The following ORMDL1 variants were observed in gnomAD, a reference collection of about 807,000 sequenced individuals.
ORMDL1 encodes the protein ORMDL sphingolipid biosynthesis regulator 1.
ORMDL1 carries 10 observed loss-of-function variants against 13.0 expected under a neutral mutation model. The ratio of observed to expected loss-of-function variants is 0.77; its 90% CI spans 0.47 to 1.30. The LOEUF (loss-of-function observed/expected upper bound fraction) is 1.30, where lower values mean the gene tolerates loss of function less well. Among genes scored for constraint, ORMDL1 ranks in the 50% most tolerant of loss-of-function variants. The pLI, the probability that ORMDL1 is intolerant of heterozygous loss-of-function variation, is 0.00. For missense variants in ORMDL1, 171 were observed against 186.7 expected, an observed-to-expected ratio of 0.92 and a Z score of 0.49; for synonymous variants, 61 against 63.9, an observed-to-expected ratio of 0.95 and a Z score of 0.22.
chr2:189,764,403 G>A, the ORMDL1 span: 5 of 152,120 alleles, frequency 3.3e-5, no homozygotes, highest in Non-Finnish European at 5.9e-5. Context: ...TAGATTCCTC[G>A]TCTAGGCACT....
chr2:189,783,015 G>A lies in ORMDL1; in HGVS notation c.-9C>T, dbSNP rs145361322. 1.6e-3 allele frequency: 269 copies of A among 163,608 alleles called. No homozygotes were observed. Among genetic ancestry groups the A allele is most frequent in the African/African-American group, 6.1e-3 (253 of 41,696 alleles). The allele number at this position is 163,608 out of a possible 1,614,324, so 10.1% of individuals were successfully genotyped here. A position where few individuals can be genotyped will look rare whatever the true frequency, so the allele number is the denominator to read the frequency against. ...TTAAAAAGAAAAAGCAGAACTCACC[G>A]AGCCAGTGTGTCAAGTAGTCAGACT... On this transcript the variant is annotated splice_region_variant and 5_prime_UTR_variant, in exon 2 of 5. Transcript: ENST00000392349.
Position 189,782,144 on chromosome 2 carries a change from T to C in ORMDL1, c.174+278A>G, listed in dbSNP as rs1016418094. Among the ~76,000 whole-genome samples the C allele has an allele frequency of 7.2e-5, 11 of 152,316 alleles. No homozygotes were observed. In the South Asian group the frequency reaches 1.7e-3, roughly 23 times the overall value. Reference sequence around the variant, plus strand: ...TTTTAGTAGAGATGAGGTTTCACCATGTTGGCCAGGCTGGTCTTGAACTCC... The same window carrying C: ...TTTTAGTAGAGATGAGGTTTCACCACGTTGGCCAGGCTGGTCTTGAACTCC... On this transcript the variant is annotated intron_variant, in intron 3 of 4. Coordinates refer to ENST00000392349, the MANE Select transcript of ORMDL1 (RefSeq NM_016467.5).
In ORMDL1 at chr2:189,782,576, T is replaced by C; in HGVS notation, c.20A>G (p.His7Arg). 6 of 1,614,150 alleles carry C rather than the reference T, an allele frequency of 3.7e-6. No homozygotes were observed. The highest frequency in any genetic ancestry group is 5.1e-6 in the Non-Finnish European group (6 of 1,179,994). Residue 7 changes from histidine (H) to arginine (R), a missense_variant, in exon 3 of 5, where the codon CAC becomes CGC. Physicochemically the swap from His to Arg is conservative, Grantham distance 29 (BLOSUM62 0). Transcript: ENST00000392349. ...ACGGGTATTTGGATTCACTTCACTG[T>C]GGGCAACTCCAACGTTCATGTTTGC... Reference protein sequence around the residue: MNVGVAHSEVNPNTRVM... With the variant: MNVGVARSEVNPNTRVM...
In ORMDL1 at chr2:189,782,575, G is replaced by T; in HGVS notation, c.21C>A (p.His7Gln). 1.2e-6 allele frequency: 2 copies of T among 1,614,114 alleles called. No individual in the cohort carries two copies. Among genetic ancestry groups the T allele is most frequent in the South Asian group, 1.1e-5 (1 of 91,080 alleles). ...CACGGGTATTTGGATTCACTTCACT[G>T]TGGGCAACTCCAACGTTCATGTTTG... MNVGVA[H>Q]SEVNPNTRVM... The change falls in exon 3 of 5, where the codon CAC becomes CAA. Residue 7 changes from histidine to glutamine, a missense_variant. By Grantham distance (24) the His-to-Gln change is conservative. Transcript: ENST00000392349.
intron 3 of ORMDL1, among the ~76,000 whole-genome samples, chr2:189,777,224 T>C (rs1236597851): frequency 6.6e-6 from 1 of 152,196 alleles, no homozygotes; most frequent in Non-Finnish European, 1.5e-5. Flanking sequence ...GAATAAGCAC[T>C]GGGACACCGC....
chr2:189,772,759 C>T (rs909760900), intron 4 of ORMDL1, among the ~76,000 whole-genome samples: 4 of 152,148 alleles, frequency 2.6e-5, no homozygotes, highest in African/African-American at 9.7e-5. Flanking sequence ...GGAAAGTATT[C>T]TAATAGCCTT....
chr2:189,776,056 T>C (rs114882654), intron 3 of ORMDL1, among the ~76,000 whole-genome samples: 1,763 of 152,260 alleles, frequency 0.012, 44 homozygotes, highest in African/African-American at 0.041. Flanking sequence ...GATTACTTTT[T>C]CCCCAATGTA....
chr2:189,778,067 A>G (rs528211985), intron 3 of ORMDL1: 18 of 405,970 alleles, frequency 4.4e-5, no homozygotes, highest in African/African-American at 3.3e-4. Flanking sequence ...TCATTTGTCC[A>G]TGGTCAACCA....
intron 3 of ORMDL1, among the ~76,000 whole-genome samples, chr2:189,777,733 C>A (rs1347031113): frequency 6.6e-6 from 1 of 152,084 alleles, no homozygotes; most frequent in Non-Finnish European, 1.5e-5. Context: ...TAAAGCTGGG[C>A]CAAGAATCCT....
At chr2:189,774,046 T>C (rs6725344) in intron 4 of ORMDL1, 149,513 of 152,342 alleles carry the variant, frequency 0.98, 73,428 homozygotes, top group South Asian at 1. Context: ...AAAACTGAGC[T>C]TTTGAAGAAA....
At chr2:189,769,950 C>A (rs571849732), downstream of ORMDL1, among the ~76,000 whole-genome samples, 1 of 152,064 alleles carries the variant, frequency 6.6e-6, no homozygotes, top group Non-Finnish European at 1.5e-5. Context: ...TTATTTTGTT[C>A]CAAGTAATAG....
intron 1 of ORMDL1, 172 bp downstream of exon 1, chr2:189,784,097 A>G (rs1466444031): frequency 2.0e-5 from 3 of 152,180 alleles, no homozygotes; most frequent in African/African-American, 7.2e-5. Context: ...CAAGACAACG[A>G]GGATTTGCGT....
At chr2:189,780,834 C>A (rs2047807967) in intron 3 of ORMDL1, among the ~76,000 whole-genome samples, 1 of 152,182 alleles carries the variant, frequency 6.6e-6, no homozygotes, top group Non-Finnish European at 1.5e-5. Flanking sequence ...ACTAAATGGA[C>A]ACATATTTAT....
At chr2:189,778,812 T>C (rs2047757027) in intron 3 of ORMDL1, among the ~76,000 whole-genome samples, 1 of 152,092 alleles carries the variant, frequency 6.6e-6, no homozygotes, top group African/African-American at 2.4e-5. Flanking sequence ...GGAGAATTGC[T>C]TGAACCTGGG....
chr2:189,782,604 T>C lies in ORMDL1; in HGVS notation c.-7-2A>G. On this transcript the variant is annotated splice_acceptor_variant, in intron 2 of 4. Coordinates refer to ENST00000392349, the MANE Select transcript of ORMDL1 (RefSeq NM_016467.5). LOFTEE classifies it low-confidence loss of function (5UTR_SPLICE). The stretch of plus-strand genomic sequence containing the variant: ...GCAACTCCAACGTTCATGTTTGCTC[T>C]GTAGGAAGTAATGAAATGAATCAAC... 1 of 1,611,592 alleles carries C rather than the reference T, an allele frequency of 6.2e-7. No homozygotes were observed. The highest frequency in any genetic ancestry group is 8.5e-7 in the Non-Finnish European group (1 of 1,178,118).
intron 3 of ORMDL1, among the ~76,000 whole-genome samples, chr2:189,777,570 A>G (rs1437092758): frequency 6.6e-6 from 1 of 152,246 alleles, no homozygotes; most frequent in Non-Finnish European, 1.5e-5. Flanking sequence ...TTATCTGGCC[A>G]TATATCTACT....
At chr2:189,782,100 G>A (rs1463465181) in intron 3 of ORMDL1, among the ~76,000 whole-genome samples, 1 of 152,028 alleles carries the variant, frequency 6.6e-6, no homozygotes, top group African/African-American at 2.4e-5. Context: ...GCGCCACCAT[G>A]CCCGGCTAAT....
At chr2:189,765,781 T>G (rs1424968982), downstream of ORMDL1, among the ~76,000 whole-genome samples, 2 of 152,098 alleles carry the variant, frequency 1.3e-5, 1 homozygote, top group African/African-American at 4.8e-5. Context: ...TGAGTCACAT[T>G]GTCTTACATT....
downstream of ORMDL1, among the ~76,000 whole-genome samples, chr2:189,767,312 G>A (rs2047498086): frequency 6.6e-6 from 1 of 152,148 alleles, no homozygotes. Context: ...GAGAATTCTA[G>A]GAGAGACAAA....
Sources: allele counts gnomAD v4.1 joint callset (sites outside exome capture counted in the v4.1 genomes callset), GRCh38; gene constraint gnomAD v4.1.1; transcripts MANE v1.5; gene names NCBI Gene and HGNC (gene_info 2026-07-23, HGNC 2026-07-21).